The following RUNX3 variants were observed in gnomAD, a reference collection of about 807,000 sequenced individuals.
RUNX3 encodes the protein runt-related transcription factor 3.
RUNX3 carries 10 observed loss-of-function variants against 27.7 expected under a neutral mutation model. The observed-to-expected ratio is 0.36, with a 90% CI of 0.22 to 0.61. The LOEUF is 0.61. Among genes scored for constraint, RUNX3 ranks in the 20% least tolerant of loss-of-function variants. RUNX3 has a pLI of 0.72. For synonymous variants in RUNX3, 270 were observed against 269.2 expected (o/e 1.00, Z -0.03); for missense variants, 469 against 629.5 (o/e 0.75, Z 2.73).
chr1:24,946,750 C>G (rs535741399), intron 2 of RUNX3, among the ~76,000 whole-genome samples: 59 of 152,232 alleles, frequency 3.9e-4, no homozygotes, highest in Non-Finnish European at 7.6e-4. Flanking sequence ...AGGCTCCGGA[C>G]ACCGCCCCAC....
Position 24,902,991 on chromosome 1 carries a change from G to A in RUNX3, c.704-325C>T, listed in dbSNP as rs975243002. Among the ~76,000 whole-genome samples the A allele has an allele frequency of 6.6e-5, 10 of 152,334 alleles. No homozygotes were observed. The highest frequency in any genetic ancestry group is 3.4e-3 in the Middle Eastern group (1 of 294). On this transcript the variant is annotated intron_variant, in intron 4 of 4. Coordinates refer to ENST00000308873, the MANE Select transcript of RUNX3 (RefSeq NM_004350.3). This position sits in a 1 kb window ranked among gnomAD's most constrained non-coding sequence, Gnocchi z 9.2. Reference sequence around the variant, plus strand: ...CTCGCAGAGGAGAGGCCTAGGATGCGGTGGTGGGGCTGAGGGCAGAGTCAG... The same window carrying A: ...CTCGCAGAGGAGAGGCCTAGGATGCAGTGGTGGGGCTGAGGGCAGAGTCAG...
intron 2 of RUNX3, among the ~76,000 whole-genome samples, chr1:24,959,424 GGGACCTAGCAGACGT>G (rs1642041876): frequency 6.6e-6 from 1 of 152,226 alleles, no homozygotes; most frequent in Non-Finnish European, 1.5e-5. Context: ...CGCCATCAAA[GGGACCTAGCAGACGT>G]GGCGCCAGGC....
intron 2 of RUNX3, among the ~76,000 whole-genome samples, chr1:24,957,793 T>G (rs1289954914): frequency 6.6e-6 from 1 of 152,208 alleles, no homozygotes; most frequent in African/African-American, 2.4e-5. Flanking sequence ...ATTTTCTCCA[T>G]TTTACAGGTA....
chr1:24,943,210 G>T lies in RUNX3; in HGVS notation c.59-13358C>A, dbSNP rs546426000. Among the ~76,000 whole-genome samples, 1 of 152,236 alleles carries T rather than the reference G, an allele frequency of 6.6e-6. No individual in the cohort carries two copies. Among genetic ancestry groups the T allele is most frequent in the Admixed American group, 6.5e-5 (1 of 15,288 alleles). ...GACTTTTCATGTGGTTGTGGGGCAGGCATGCCACCCAGCACGTGGGGGAGG... is the reference window on the plus strand; with the variant it reads ...GACTTTTCATGTGGTTGTGGGGCAGTCATGCCACCCAGCACGTGGGGGAGG... On this transcript the variant is annotated intron_variant, in intron 2 of 6. Coordinates refer to the RUNX3 transcript ENST00000338888. The surrounding 1 kb of genome is among the most constrained non-coding windows in gnomAD (Gnocchi z 4.6).
chr1:24,911,710 C>T (rs1640800060), intron 3 of RUNX3, among the ~76,000 whole-genome samples: 2 of 152,236 alleles, frequency 1.3e-5, no homozygotes, highest in African/African-American at 4.8e-5. Context: ...CACCCGGATC[C>T]CCCGACTCCA....
intron 3 of RUNX3, among the ~76,000 whole-genome samples, chr1:24,913,112 C>T (rs1194213805): frequency 1.3e-5 from 2 of 152,248 alleles, no homozygotes; most frequent in Non-Finnish European, 2.9e-5. Context: ...TACTGTCTAA[C>T]CCCTGAGGGT....
At chr1:24,924,485 T>G (rs1641061978) in intron 2 of RUNX3, among the ~76,000 whole-genome samples, 1 of 152,190 alleles carries the variant, frequency 6.6e-6, no homozygotes, top group South Asian at 2.1e-4. Context: ...CAGTTCTTTT[T>G]TTTTTTTTAA....
Position 24,916,410 on chromosome 1 carries a change from C to T in RUNX3, c.544+2830G>A, listed in dbSNP as rs1292053226. On this transcript the variant is annotated intron_variant, in intron 3 of 4. Transcript: ENST00000308873. The surrounding 1 kb of genome is among the most constrained non-coding windows in gnomAD (Gnocchi z 4.8). The stretch of plus-strand genomic sequence containing the variant: ...TCCCGCAGCCCCCGGGTCGGAGCCC[C>T]CAGGGTGTGCTGACAGTCACCTTGG... Among the ~76,000 whole-genome samples the T allele has an allele frequency of 3.3e-5, 5 of 152,218 alleles. No homozygotes were observed. In the East Asian group the frequency reaches 7.7e-4, roughly 23 times the overall value.
chr1:24,953,417 A>AC (rs1641828380), intron 2 of RUNX3, among the ~76,000 whole-genome samples: 1 of 150,806 alleles, frequency 6.6e-6, no homozygotes, highest in African/African-American at 2.4e-5. Flanking sequence ...AAAAAAAAAA[A>AC]CAGATCTGCA....
intron 3 of RUNX3, among the ~76,000 whole-genome samples, chr1:24,908,024 G>GCGGTGATCCA (rs1571303736): frequency 5.9e-5 from 8 of 134,488 alleles, no homozygotes; most frequent in South Asian, 2.5e-4. Context: ...GCGGTGATCC[G>GCGGTGATCCA]AACCTCAACC....
intron 2 of RUNX3, among the ~76,000 whole-genome samples, chr1:24,946,847 C>A (rs1173764313): frequency 6.6e-6 from 1 of 152,184 alleles, no homozygotes; most frequent in South Asian, 2.1e-4. Context: ...AGTATTCCAC[C>A]TCCTCCAGAG....
intron 2 of RUNX3, among the ~76,000 whole-genome samples, chr1:24,936,671 C>G (rs965875724): frequency 2.6e-5 from 4 of 152,248 alleles, no homozygotes; most frequent in Non-Finnish European, 4.4e-5. Flanking sequence ...GCACCTTCCT[C>G]TCTCGCAGGC....
At chr1:24,914,108 A>G (rs1640842712) in intron 3 of RUNX3, among the ~76,000 whole-genome samples, 1 of 152,240 alleles carries the variant, frequency 6.6e-6, no homozygotes, top group Non-Finnish European at 1.5e-5. Context: ...TGCTAAGGTC[A>G]TCGCTTCCCA....
Position 24,962,459 on chromosome 1 carries a change from G to A in RUNX3, c.58+2055C>T, listed in dbSNP as rs1257931687. 6.6e-6 allele frequency among the ~76,000 whole-genome samples: 1 copy of A among 152,246 alleles called. No individual in the cohort carries two copies. The highest frequency in any genetic ancestry group is 2.4e-5 in the African/African-American group (1 of 41,464). On this transcript the variant is annotated intron_variant, in intron 2 of 6. Coordinates refer to the RUNX3 transcript ENST00000338888. The surrounding 1 kb of genome is among the most constrained non-coding windows in gnomAD (Gnocchi z 4.5). ...ACCCTGCAAATGGGACCCTGGGGCT[G>A]CGTCTCTTTGAGGAAGGAATTGGCA...
intron 2 of RUNX3, among the ~76,000 whole-genome samples, chr1:24,942,989 G>A (rs985978866): frequency 5.3e-5 from 8 of 152,266 alleles, no homozygotes; most frequent in African/African-American, 1.9e-4. Flanking sequence ...CAGCTGGGTA[G>A]GGTCTAGGAG....
intron 2 of RUNX3, among the ~76,000 whole-genome samples, chr1:24,920,632 G>C (rs554321635): frequency 3.0e-4 from 46 of 152,202 alleles, no homozygotes; most frequent in African/African-American, 1.0e-3. Context: ...TATATATTAA[G>C]CTTGTTAATA....
chr1:24,926,360 C>A (rs1482550996), intron 2 of RUNX3, among the ~76,000 whole-genome samples: 1 of 152,222 alleles, frequency 6.6e-6, no homozygotes, highest in Non-Finnish European at 1.5e-5. Context: ...AACCTGCAAC[C>A]AGTTAAGGGC....
At chr1:24,903,504 T>G (rs1354299574) in intron 4 of RUNX3, among the ~76,000 whole-genome samples, 1 of 152,216 alleles carries the variant, frequency 6.6e-6, no homozygotes, top group Non-Finnish European at 1.5e-5. Context: ...CCCAGGAATG[T>G]GGCTTCTCAA....
chr1:24,931,005 G>C (rs1641215757), upstream of RUNX3, among the ~76,000 whole-genome samples: 2 of 152,186 alleles, frequency 1.3e-5, no homozygotes, highest in South Asian at 4.1e-4. Context: ...GATCTTGCAG[G>C]CCTCGCGGCG....
Sources: allele counts gnomAD v4.1 joint callset (sites outside exome capture counted in the v4.1 genomes callset), GRCh38; gene constraint gnomAD v4.1.1; non-coding constraint Gnocchi (gnomAD v3.1); transcripts MANE v1.5; gene names NCBI Gene and HGNC (gene_info 2026-07-23, HGNC 2026-07-21).